Variants in PFDN1 observed in about 807,000 individuals in gnomAD.
PFDN1 encodes prefoldin 1.
PFDN1 carries 6 observed loss-of-function variants against 17.3 expected under a neutral mutation model. That is an observed-to-expected ratio of 0.35 (90% CI 0.19 to 0.69). The LOEUF is 0.69. PFDN1 is among the 30% of genes least tolerant of loss of function. The probability of loss-of-function intolerance (pLI) is 0.65; values close to 1 mark genes in which losing one functional copy is unlikely to be tolerated. For missense variants in PFDN1, 113 were observed against 146.2 expected, an observed-to-expected ratio of 0.77 and a Z score of 1.17; for synonymous variants, 58 against 50.1, an observed-to-expected ratio of 1.16 and a Z score of -0.67.
At chr5:140,297,250 T>C (rs900750478) in intron 2 of PFDN1, among the ~76,000 whole-genome samples, 17 of 152,104 alleles carry the variant, frequency 1.1e-4, no homozygotes, top group Non-Finnish European at 2.2e-4. Context: ...TAGTCAGAAT[T>C]CCCAAATAAC....
intron 3 of PFDN1, among the ~76,000 whole-genome samples, chr5:140,274,610 G>A (rs1042543829): frequency 1.3e-5 from 2 of 152,074 alleles, no homozygotes; most frequent in African/African-American, 2.4e-5. Flanking sequence ...CCTTTATAAC[G>A]AAAGATTAAA....
chr5:140,275,703 C>T (rs1213539059), intron 3 of PFDN1, among the ~76,000 whole-genome samples: 1 of 152,044 alleles, frequency 6.6e-6, no homozygotes, highest in African/African-American at 2.4e-5. Context: ...GGGAACCTAG[C>T]AAATACTAAT....
chr5:140,253,809 C>T (rs911853803), intron 3 of PFDN1, among the ~76,000 whole-genome samples: 4 of 152,200 alleles, frequency 2.6e-5, no homozygotes, highest in African/African-American at 9.7e-5. Context: ...ACTACCTTAA[C>T]TATAGAAAGC....
chr5:140,284,583 G>A (rs371630808), intron 2 of PFDN1, among the ~76,000 whole-genome samples: 2 of 152,204 alleles, frequency 1.3e-5, no homozygotes, highest in South Asian at 2.1e-4. Context: ...GTTGCTCAAT[G>A]TAGAGAATCT....
At chr5:140,285,462 T>A (rs1279431379) in intron 2 of PFDN1, among the ~76,000 whole-genome samples, 1 of 152,102 alleles carries the variant, frequency 6.6e-6, no homozygotes, top group Non-Finnish European at 1.5e-5. Flanking sequence ...TAGAAATAAA[T>A]TGAACTTCTT....
At chr5:140,284,462 A>G (rs997116413) in intron 2 of PFDN1, among the ~76,000 whole-genome samples, 3 of 152,254 alleles carry the variant, frequency 2.0e-5, no homozygotes, top group Non-Finnish European at 1.5e-5. Context: ...AAGTCTTTGG[A>G]AAACATCTTT....
At chr5:140,258,952 T>C (rs746790018) in intron 3 of PFDN1, among the ~76,000 whole-genome samples, 2 of 152,092 alleles carry the variant, frequency 1.3e-5, no homozygotes, top group Non-Finnish European at 2.9e-5. Context: ...AATTCCTAGG[T>C]AAAGAACATA....
At chr5:140,279,437 C>A (rs1297892533) in intron 3 of PFDN1, among the ~76,000 whole-genome samples, 1 of 151,808 alleles carries the variant, frequency 6.6e-6, no homozygotes, top group African/African-American at 2.4e-5. Flanking sequence ...TTCACCAGAA[C>A]TCAGCAGTAC....
chr5:140,296,908 T>C (rs1765663130), intron 2 of PFDN1, among the ~76,000 whole-genome samples: 1 of 152,120 alleles, frequency 6.6e-6, no homozygotes, highest in Admixed American at 6.6e-5. Context: ...AAGGGTAAAT[T>C]AAGAACAGAT....
chr5:140,264,693 TA>T (rs2126683182), intron 3 of PFDN1, among the ~76,000 whole-genome samples: 1 of 151,498 alleles, frequency 6.6e-6, no homozygotes, highest in South Asian at 2.1e-4. Context: ...AACACAGAAT[TA>T]ATTATCTGAG....
At chr5:140,246,369 CCAGA>C (rs1290953577) in intron 3 of PFDN1, among the ~76,000 whole-genome samples, 1 of 152,172 alleles carries the variant, frequency 6.6e-6, no homozygotes, top group Non-Finnish European at 1.5e-5. Flanking sequence ...TGAAGTTATC[CCAGA>C]CAGACAAAGG....
intron 2 of PFDN1, among the ~76,000 whole-genome samples, chr5:140,290,010 T>C (rs764131377): frequency 6.6e-6 from 1 of 152,228 alleles, no homozygotes; most frequent in Non-Finnish European, 1.5e-5. Context: ...TCATCCTAAA[T>C]ATATCAACGG....
chr5:140,267,955 G>A (rs545410286), intron 3 of PFDN1, among the ~76,000 whole-genome samples: 1 of 152,174 alleles, frequency 6.6e-6, no homozygotes, highest in Admixed American at 6.5e-5. Flanking sequence ...CAAAAGCAGA[G>A]TCAAACGAAC....
chr5:140,262,320 G>C (rs1321340920), intron 3 of PFDN1, among the ~76,000 whole-genome samples: 1 of 152,162 alleles, frequency 6.6e-6, no homozygotes, highest in Non-Finnish European at 1.5e-5. Flanking sequence ...CCGAGTAAAA[G>C]TGAATGGTAA....
chr5:140,256,423 C>T (rs913428337), intron 3 of PFDN1, among the ~76,000 whole-genome samples: 3 of 152,092 alleles, frequency 2.0e-5, no homozygotes, highest in Non-Finnish European at 4.4e-5. Flanking sequence ...CATCTCATAG[C>T]TTTAAACATT....
At chr5:140,258,507 C>T (rs1434756824) in intron 3 of PFDN1, among the ~76,000 whole-genome samples, 1 of 150,032 alleles carries the variant, frequency 6.7e-6, no homozygotes, top group East Asian at 2.0e-4. Context: ...ATGTTGGAAA[C>T]CTATTAGGAG....
At chr5:140,261,900 G>C (rs1458315750) in intron 3 of PFDN1, among the ~76,000 whole-genome samples, 1 of 151,542 alleles carries the variant, frequency 6.6e-6, no homozygotes, top group African/African-American at 2.4e-5. Context: ...GGTGATGCAG[G>C]GCTCAGATCA....
chr5:140,245,248 G>C lies in PFDN1; in HGVS notation c.*726C>G, dbSNP rs1457048388. 2.1e-6 allele frequency: 1 copy of C among 474,804 alleles called. No individual in the cohort carries two copies. Among genetic ancestry groups the C allele is most frequent in the Admixed American group, 3.6e-5 (1 of 27,834 alleles). 29.4% of individuals were successfully genotyped at this position (474,804 alleles called of 1,614,324 possible). On this transcript the variant is annotated 3_prime_UTR_variant, in exon 4 of 4. Coordinates refer to ENST00000261813, the MANE Select transcript of PFDN1 (RefSeq NM_002622.5). ...CCGTTGCCCCCTCAGCCTCTAGGAG[G>C]CCTCAGGATTATGGCGTCCATCTTA...
chr5:140,273,875 T>C, intron 3 of PFDN1: 1 of 983,718 alleles, frequency 1.0e-6, no homozygotes, highest in Non-Finnish European at 1.2e-6. Context: ...TGCATGTGCC[T>C]AAAATATAAC....
Sources: gnomAD v4.1 joint callset for allele counts (sites outside exome capture counted in the v4.1 genomes callset) on GRCh38, gnomAD v4.1.1 for gene constraint, MANE v1.5 for transcripts, NCBI Gene and HGNC (gene_info 2026-07-23, HGNC 2026-07-21) for gene names.